Variants in TENM3 observed in about 807,000 individuals in gnomAD.
The protein encoded by TENM3 is teneurin-3.
In TENM3, 63 loss-of-function variants were observed where a neutral mutation model predicts 255.1. That is an observed-to-expected ratio of 0.25 (90% CI 0.20 to 0.30). The LOEUF is 0.30. TENM3 is among the 10% of genes least tolerant of loss of function. The pLI is 1.00. For missense variants in TENM3, 2,929 were observed against 3,461.1 expected (o/e 0.85, Z 3.86); for synonymous variants, 1,306 against 1,322.3 (o/e 0.99, Z 0.27).
In TENM3 at chr4:182,395,547, GC is replaced by G. The variant is rs1299030279; in HGVS notation, c.511+48619del. On this transcript the variant is annotated intron_variant, in intron 3 of 27. Coordinates refer to ENST00000511685, the MANE Select transcript of TENM3 (RefSeq NM_001080477.4). ...TTATGTTTAAAATGTTTTAATTGTT[GC>G]TCTCCTTATGCACTTTGATAGGGGA... Among the ~76,000 whole-genome samples, 7 of 152,210 alleles carry G rather than the reference GC, an allele frequency of 4.6e-5. No individual in the cohort carries two copies. The East Asian group carries it at 9.7e-4, about 21-fold the overall frequency.
At chr4:181,975,683 G>C in the TENM3 span, 1 of 152,490 alleles carries the variant, frequency 6.6e-6, no homozygotes, top group African/African-American at 2.4e-5. Flanking sequence ...GTGAGAGATG[G>C]AGGGACTCAG....
chr4:181,903,286 A>G, the TENM3 span, among the ~76,000 whole-genome samples: 1 of 152,174 alleles, frequency 6.6e-6, no homozygotes, highest in African/African-American at 2.4e-5. Context: ...TCTTCCACCA[A>G]TTTGGAGAAA....
chr4:182,598,155 T>C (rs1211228600), intron 3 of TENM3, among the ~76,000 whole-genome samples: 4 of 152,240 alleles, frequency 2.6e-5, no homozygotes, highest in Non-Finnish European at 5.9e-5. Context: ...CACCCCAGCC[T>C]GGGCAACAGA....
chr4:181,473,413 A>C, the TENM3 span, among the ~76,000 whole-genome samples: 133,621 of 151,880 alleles, frequency 0.88, 59,739 homozygotes, highest in Non-Finnish European at 0.98. Flanking sequence ...CATAGGGAGA[A>C]CCCATCTCTA....
intron 11 of TENM3, among the ~76,000 whole-genome samples, chr4:182,685,198 C>G (rs946356856): frequency 1.4e-4 from 22 of 152,088 alleles, no homozygotes; most frequent in Non-Finnish European, 4.4e-5. Flanking sequence ...TTCCCTCCCT[C>G]TCTTATCTCT....
intron 3 of TENM3, among the ~76,000 whole-genome samples, chr4:182,395,551 T>C (rs2151001606): frequency 6.6e-6 from 1 of 152,308 alleles, no homozygotes; most frequent in South Asian, 2.1e-4. Context: ...ATTGTTGCTC[T>C]CCTTATGCAC....
the TENM3 span, among the ~76,000 whole-genome samples, chr4:181,796,721 T>C: frequency 6.6e-6 from 1 of 152,076 alleles, no homozygotes; most frequent in Admixed American, 6.6e-5. Flanking sequence ...CAGGAGCGAG[T>C]TCATGAAACA....
At chr4:181,760,269 CA>C in the TENM3 span, among the ~76,000 whole-genome samples, 2,751 of 152,124 alleles carry the variant, frequency 0.018, 57 homozygotes, top group South Asian at 0.1. Context: ...ACAGGACCCC[CA>C]AACTAAGATT....
chr4:181,860,386 G>A, the TENM3 span, among the ~76,000 whole-genome samples: 7 of 152,166 alleles, frequency 4.6e-5, no homozygotes, highest in Middle Eastern at 3.4e-3. Context: ...ATGATAAGCC[G>A]AGCACTTTGG....
intron 13 of TENM3, among the ~76,000 whole-genome samples, chr4:182,725,528 T>C (rs535295631): frequency 1.6e-4 from 25 of 152,232 alleles, no homozygotes; most frequent in African/African-American, 6.0e-4. Context: ...TTGAGAAATA[T>C]TTATACATTT....
chr4:182,276,077 T>C (rs973327945), intron 1 of TENM3, among the ~76,000 whole-genome samples: 9 of 152,152 alleles, frequency 5.9e-5, no homozygotes, highest in African/African-American at 2.2e-4. Flanking sequence ...ACCTGAGTAA[T>C]GAGAAGTCTC....
chr4:181,697,385 G>A, the TENM3 span, among the ~76,000 whole-genome samples: 1 of 151,970 alleles, frequency 6.6e-6, no homozygotes, highest in Admixed American at 6.6e-5. Flanking sequence ...GTTTTTTTGT[G>A]TGTTTGTTTT....
chr4:182,737,854 G>T (rs1460762450), intron 17 of TENM3, among the ~76,000 whole-genome samples: 1 of 151,898 alleles, frequency 6.6e-6, no homozygotes, highest in Non-Finnish European at 1.5e-5. Flanking sequence ...CTGTTTCATT[G>T]TGAACTCTGG....
At chr4:182,609,714 T>G (rs1301800738) in intron 4 of TENM3, among the ~76,000 whole-genome samples, 1 of 152,194 alleles carries the variant, frequency 6.6e-6, no homozygotes, top group Non-Finnish European at 1.5e-5. Context: ...GGATCTGGAT[T>G]AAAATCTCAA....
intron 5 of TENM3, among the ~76,000 whole-genome samples, chr4:182,640,646 G>T (rs560944146): frequency 6.6e-6 from 1 of 152,196 alleles, no homozygotes; most frequent in South Asian, 2.1e-4. Flanking sequence ...TAAGAAAGTG[G>T]GCCATTTATT....
intron 3 of TENM3, among the ~76,000 whole-genome samples, chr4:182,414,078 G>T (rs1213603941): frequency 6.6e-6 from 1 of 152,130 alleles, no homozygotes; most frequent in Non-Finnish European, 1.5e-5. Flanking sequence ...TACACACAGA[G>T]ATCATACAAT....
At chr4:181,833,547 C>T in the TENM3 span, among the ~76,000 whole-genome samples, 5 of 152,158 alleles carry the variant, frequency 3.3e-5, no homozygotes, top group Non-Finnish European at 7.3e-5. Flanking sequence ...TCCAAGGCTA[C>T]TCAGGCCATT....
At chr4:182,352,783 T>C (rs1316279379) in intron 3 of TENM3, among the ~76,000 whole-genome samples, 2 of 152,112 alleles carry the variant, frequency 1.3e-5, no homozygotes, top group Non-Finnish European at 2.9e-5. Context: ...GAAAAAGGCG[T>C]ACCCCTCAAA....
chr4:181,504,293 C>T, the TENM3 span, among the ~76,000 whole-genome samples: 10 of 152,304 alleles, frequency 6.6e-5, no homozygotes, highest in South Asian at 8.3e-4. Context: ...CCACAGCTCA[C>T]GCTTGTCTCT....
Sources: allele counts gnomAD v4.1 joint callset (sites outside exome capture counted in the v4.1 genomes callset), GRCh38; gene constraint gnomAD v4.1.1; transcripts MANE v1.5; gene names NCBI Gene and HGNC (gene_info 2026-07-23, HGNC 2026-07-21).